ODAD2: variants seen among roughly 807,000 people sequenced by gnomAD.
ODAD2 encodes outer dynein arm docking complex subunit 2.
A neutral mutation model predicts 106.8 loss-of-function variants in ODAD2; 89 were observed. The observed-to-expected ratio is 0.83, with a 90% CI of 0.70 to 0.99. ODAD2 has a LOEUF of 0.99. ODAD2 is among the 50% of genes least tolerant of loss of function. The pLI is 0.00. For synonymous variants in ODAD2, 404 were observed against 436.2 expected (o/e 0.93, Z 0.92); for missense variants, 1,168 against 1,238.5 (o/e 0.94, Z 0.85).
At chr10:27,998,816 C>T (rs575440738) in intron 1 of ODAD2, among the ~76,000 whole-genome samples, 178 bp downstream of exon 1, 2 of 152,058 alleles carry the variant, frequency 1.3e-5, no homozygotes, top group African/African-American at 2.4e-5. Context: ...CAGCACCCTG[C>T]CCCCCGCAGT....
chr10:27,891,774 C>T (rs11595783), intron 17 of ODAD2, among the ~76,000 whole-genome samples: 3 of 151,886 alleles, frequency 2.0e-5, no homozygotes, highest in Non-Finnish European at 4.4e-5. Context: ...TAAAAATGCA[C>T]TGATATTTAA....
At chr10:27,953,383 A>G (rs1203822678) in intron 10 of ODAD2, among the ~76,000 whole-genome samples, 5 of 152,140 alleles carry the variant, frequency 3.3e-5, no homozygotes, top group Admixed American at 6.5e-5. Context: ...AGAACTCCCT[A>G]TTACTGCTAT....
intron 16 of ODAD2, 58 bp downstream of exon 16, chr10:27,934,952 C>A: frequency 1.3e-6 from 2 of 1,589,176 alleles, no homozygotes; most frequent in Non-Finnish European, 1.7e-6. Context: ...ATTCTGTGAC[C>A]TCCCAAGTGT....
At chr10:27,872,681 C>T (rs1486362021) in intron 17 of ODAD2, among the ~76,000 whole-genome samples, 1 of 152,150 alleles carries the variant, frequency 6.6e-6, no homozygotes, top group Non-Finnish European at 1.5e-5. Context: ...TATGTTGAAT[C>T]AGCCTTGCAT....
chr10:27,916,363 G>T (rs1410868028), intron 16 of ODAD2, among the ~76,000 whole-genome samples: 1 of 152,128 alleles, frequency 6.6e-6, no homozygotes, highest in Non-Finnish European at 1.5e-5. Context: ...CTGCAAAGGG[G>T]AGGAGATGGG....
At chr10:27,850,138 A>T (rs1046977446) in intron 19 of ODAD2, among the ~76,000 whole-genome samples, 1 of 152,158 alleles carries the variant, frequency 6.6e-6, no homozygotes, top group Non-Finnish European at 1.5e-5. Flanking sequence ...TCGTCTGCGA[A>T]CTGTGTGTTT....
Position 27,907,760 on chromosome 10 carries a change from T to C in ODAD2, c.2513A>G (p.Asp838Gly). ...CAGGGACCACAACAAACGAACTCCA[T>C]CTAAGCGATCAATTATCCTATCGTG... ...PESMMIIDRL[D>G]GVRLLWSLLK... Residue 838 changes from aspartate (D) to glycine (G), a missense_variant, in exon 17 of 20, where the codon GAT (aspartate) becomes GGT (glycine). Around this residue, in one of 3 missense-constraint regions of ODAD2, gnomAD observed 701 missense variants for 712.3 expected, o/e 0.98. Coordinates refer to ENST00000305242, the MANE Select transcript of ODAD2 (RefSeq NM_018076.5). The C allele has an allele frequency of 6.2e-7, 1 of 1,613,300 alleles. No individual in the cohort carries two copies. Among genetic ancestry groups the C allele is most frequent in the Non-Finnish European group, 8.5e-7 (1 of 1,179,450 alleles).
chr10:27,993,893 A>G (rs181735694), intron 2 of ODAD2, among the ~76,000 whole-genome samples: 176 of 152,182 alleles, frequency 1.2e-3, no homozygotes, highest in African/African-American at 4.0e-3. Flanking sequence ...GTTCATATCC[A>G]GAACAAAGAA....
chr10:27,973,980 T>C lies in ODAD2; in HGVS notation c.937-2667A>G, dbSNP rs565264808. On this transcript the variant is annotated intron_variant, in intron 7 of 19. Coordinates refer to ENST00000305242, the MANE Select transcript of ODAD2 (RefSeq NM_018076.5). ...ACTTTTTAATAACAGCCATTCTGAC[T>C]GGTGTAAGATGATATCTCATTATGG... 3.3e-5 allele frequency among the ~76,000 whole-genome samples: 5 copies of C among 152,372 alleles called. No homozygotes were observed. In the South Asian group the frequency reaches 1.0e-3, roughly 32 times the overall value.
rs770539111 is a variant in ODAD2, at chr10:27,971,256, TG to T, written c.993del (p.Lys332ArgfsTer32). ...CGGAGGGCAGCTGCTTCTTCCTTCT[TG>T]GGGGCTTTGCCAAGCTGATCCTTTT... ...QKEKDQLGKA[P>X]KKEEAAALRK... On this transcript the variant is annotated frameshift_variant, in exon 8 of 20. Coordinates refer to ENST00000305242, the MANE Select transcript of ODAD2 (RefSeq NM_018076.5). LOFTEE classifies it high-confidence loss of function. The T allele has an allele frequency of 1.9e-6, 3 of 1,613,636 alleles. No individual in the cohort carries two copies. Among genetic ancestry groups the T allele is most frequent in the Non-Finnish European group, 2.5e-6 (3 of 1,179,812 alleles).
intron 17 of ODAD2, among the ~76,000 whole-genome samples, chr10:27,863,275 G>C (rs964143677): frequency 6.6e-6 from 1 of 152,068 alleles, no homozygotes; most frequent in Non-Finnish European, 1.5e-5. Context: ...CCACATCTGG[G>C]GGCCACTGTG....
At chr10:27,839,342 G>A (rs913780120) in intron 19 of ODAD2, among the ~76,000 whole-genome samples, 7 of 152,140 alleles carry the variant, frequency 4.6e-5, no homozygotes, top group African/African-American at 1.7e-4. Flanking sequence ...GGAAAGAGAG[G>A]CTCACACCTG....
At chr10:27,900,038 G>A (rs1843093654) in intron 17 of ODAD2, among the ~76,000 whole-genome samples, 1 of 152,150 alleles carries the variant, frequency 6.6e-6, no homozygotes, top group African/African-American at 2.4e-5. Context: ...TCCCAGCAGG[G>A]GTGGACAGAC....
chr10:27,977,925 A>G (rs1315645597), intron 7 of ODAD2, among the ~76,000 whole-genome samples: 2 of 152,222 alleles, frequency 1.3e-5, no homozygotes, highest in African/African-American at 4.8e-5. Flanking sequence ...TACATTGCCT[A>G]CATCAATGTA....
chr10:27,928,116 TC>T (rs1845380170), intron 16 of ODAD2, among the ~76,000 whole-genome samples: 1 of 152,130 alleles, frequency 6.6e-6, no homozygotes, highest in African/African-American at 2.4e-5. Context: ...CTGATCATGG[TC>T]CTGGGTTGGG....
At chr10:27,836,874 G>A (rs1198135109) in intron 19 of ODAD2, among the ~76,000 whole-genome samples, 1 of 152,106 alleles carries the variant, frequency 6.6e-6, no homozygotes. Context: ...GAAACACAGA[G>A]GACTTATTTC....
intron 17 of ODAD2, among the ~76,000 whole-genome samples, chr10:27,871,383 G>A (rs188272586): frequency 7.9e-5 from 12 of 152,216 alleles, no homozygotes; most frequent in Admixed American, 6.5e-5. Context: ...GTCAATTTTC[G>A]CTTTTGTTGC....
chr10:27,902,353 C>A (rs1290831731), intron 17 of ODAD2, among the ~76,000 whole-genome samples: 2 of 151,180 alleles, frequency 1.3e-5, no homozygotes, highest in Admixed American at 6.6e-5. Flanking sequence ...AAGAAAAGAT[C>A]TAAAATCGAC....
At chr10:27,826,732 C>G (rs1837075652) in intron 19 of ODAD2, among the ~76,000 whole-genome samples, 1 of 152,062 alleles carries the variant, frequency 6.6e-6, no homozygotes. Context: ...GCGCCATTAA[C>G]CCCCCTCTTT....
Sources: gnomAD v4.1 joint callset for allele counts (sites outside exome capture counted in the v4.1 genomes callset) on GRCh38, gnomAD v4.1.1 for gene constraint, gnomAD v4.1.1 regional missense constraint, MANE v1.5 for transcripts, NCBI Gene and HGNC (gene_info 2026-07-23, HGNC 2026-07-21) for gene names.